Variants in TCF4 observed in about 807,000 individuals in gnomAD.
TCF4 encodes the protein transcription factor 4, also known as SL3-3 enhancer factor 2.
A neutral mutation model predicts 82.1 loss-of-function variants in TCF4; 3 were observed. The observed-to-expected ratio is 0.04, with a 90% CI of 0.02 to 0.09. The LOEUF (loss-of-function observed/expected upper bound fraction) is 0.09. Ranked by LOEUF, TCF4 falls within the 10% of genes least tolerant of loss-of-function variation. TCF4 has a pLI of 1.00. For synonymous variants in TCF4, 276 were observed against 309.6 expected, an observed-to-expected ratio of 0.89 and a Z score of 1.14; for missense variants, 518 against 852.7, an observed-to-expected ratio of 0.61 and a Z score of 4.89.
At chr18:55,580,146 C>T (rs73482993) in intron 3 of TCF4, among the ~76,000 whole-genome samples, 1 of 152,044 alleles carries the variant, frequency 6.6e-6, no homozygotes, top group African/African-American at 2.4e-5. Flanking sequence ...TTACTTAAGT[C>T]AGTGTCAAAT....
At chr18:55,590,670 T>C (rs575161094), upstream of TCF4, among the ~76,000 whole-genome samples, 104 of 152,324 alleles carry the variant, frequency 6.8e-4, no homozygotes, top group African/African-American at 2.5e-3. Context: ...CAATGGAATT[T>C]TAAATGGAAA....
chr18:55,403,772 A>G, intron 5 of TCF4: 1 of 1,528,294 alleles, frequency 6.5e-7, no homozygotes, highest in Non-Finnish European at 8.7e-7. Context: ...AATGGCCTCC[A>G]CTTTCTCTAA....
chr18:55,424,255 T>C (rs375291352), intron 5 of TCF4, among the ~76,000 whole-genome samples: 20 of 152,328 alleles, frequency 1.3e-4, no homozygotes, highest in African/African-American at 4.6e-4. Context: ...TTAGTTAACA[T>C]GAGACTCTAG....
At chr18:55,262,050 G>T (rs1018252560) in intron 11 of TCF4, among the ~76,000 whole-genome samples, 1 of 152,090 alleles carries the variant, frequency 6.6e-6, no homozygotes, top group South Asian at 2.1e-4. Flanking sequence ...AACAAGGAGA[G>T]AAAATATTTT....
At chr18:55,294,146 G>A (rs2065876983) in intron 8 of TCF4, among the ~76,000 whole-genome samples, 1 of 151,098 alleles carries the variant, frequency 6.6e-6, no homozygotes, top group South Asian at 2.1e-4. Flanking sequence ...TGTAATCCCA[G>A]CTACTTGGGG....
chr18:55,363,693 C>A (rs767947013), intron 6 of TCF4, among the ~76,000 whole-genome samples: 4 of 152,076 alleles, frequency 2.6e-5, no homozygotes, highest in Non-Finnish European at 5.9e-5. Flanking sequence ...GTAATCCCAG[C>A]TATTAGAGAG....
Position 55,289,095 on chromosome 18 carries a change from T to C in TCF4, c.550-9439A>G, listed in dbSNP as rs547745620. On this transcript the variant is annotated intron_variant, in intron 8 of 19. Transcript: ENST00000354452. The stretch of plus-strand genomic sequence containing the variant: ...GAATGCCCACTGCCAACATTATGAG[T>C]ACCTTGGCCCTAGCTGAGAGTGCCT... Among the ~76,000 whole-genome samples, 231 of 152,304 alleles carry C rather than the reference T, an allele frequency of 1.5e-3. 1 individual carries two copies. The highest frequency in any genetic ancestry group is 5.4e-3 in the African/African-American group (224 of 41,560).
At chr18:55,494,965 TAA>T (rs138885827) in intron 3 of TCF4, among the ~76,000 whole-genome samples, 57 of 142,464 alleles carry the variant, frequency 4.0e-4, no homozygotes, top group African/African-American at 5.9e-4. Flanking sequence ...AGCCTTTCTT[TAA>T]AAAAAAAAAA....
intron 5 of TCF4, among the ~76,000 whole-genome samples, chr18:55,453,294 C>A (rs2095663498): frequency 6.6e-6 from 1 of 152,196 alleles, no homozygotes; most frequent in Non-Finnish European, 1.5e-5. Flanking sequence ...AGCCACCAGC[C>A]CTGACATCAC....
intron 3 of TCF4, chr18:55,496,507 C>A (rs2145921447): frequency 6.6e-6 from 1 of 151,808 alleles, no homozygotes; most frequent in South Asian, 2.1e-4. Context: ...ATGAACAGTT[C>A]CTCTCAAGAT....
rs2096726644 is a variant in TCF4 at position 55,503,931 on chromosome 18, C to T, written c.146-39794G>A. On this transcript the variant is annotated intron_variant, in intron 3 of 19. Coordinates refer to ENST00000354452, the MANE Select transcript of TCF4 (RefSeq NM_001083962.2). ...CTCTACTAAAAATATAAAAATTAGC[C>T]AGGTGTGGTGGCACATGCCTGTAGT... 1.3e-5 allele frequency among the ~76,000 whole-genome samples: 2 copies of T among 152,014 alleles called. 1 individual carries two copies. The highest frequency in any genetic ancestry group is 4.1e-4 in the South Asian group (2 of 4,828).
intron 15 of TCF4, among the ~76,000 whole-genome samples, chr18:55,246,860 T>A (rs1410182163): frequency 6.6e-6 from 1 of 152,110 alleles, no homozygotes; most frequent in Non-Finnish European, 1.5e-5. Flanking sequence ...ATATCCTAAT[T>A]TAAAGAAAAA....
At chr18:55,483,943 A>G (rs890671455) in intron 3 of TCF4, among the ~76,000 whole-genome samples, 4 of 152,200 alleles carry the variant, frequency 2.6e-5, no homozygotes, top group African/African-American at 9.7e-5. Flanking sequence ...ACTGCTTTCA[A>G]TTTTTCAAAG....
chr18:55,606,550 A>G (rs1438501686), intron 2 of TCF4, among the ~76,000 whole-genome samples: 1 of 152,198 alleles, frequency 6.6e-6, no homozygotes, highest in Non-Finnish European at 1.5e-5. Flanking sequence ...TAACTCAGCA[A>G]TGTTTTCATC....
chr18:55,398,707 C>T (rs898407724), intron 6 of TCF4, among the ~76,000 whole-genome samples: 5 of 152,184 alleles, frequency 3.3e-5, no homozygotes, highest in Non-Finnish European at 5.9e-5. Context: ...ACCTTACTCC[C>T]TCAAAATGGC....
chr18:55,461,617 T>C (rs1372906722), intron 4 of TCF4, among the ~76,000 whole-genome samples: 1 of 152,158 alleles, frequency 6.6e-6, no homozygotes, highest in African/African-American at 2.4e-5. Flanking sequence ...ATTGTGGTAT[T>C]GTGGTTGTAA....
chr18:55,625,691 T>TGTATCAGATGATACA (rs1421129171), intron 2 of TCF4, among the ~76,000 whole-genome samples: 1 of 152,226 alleles, frequency 6.6e-6, no homozygotes, highest in Non-Finnish European at 1.5e-5. Flanking sequence ...TTTGTAAATA[T>TGTATCAGATGATACA]TTTTGTTGAT....
chr18:55,601,681 G>A (rs1268119574), intron 2 of TCF4, among the ~76,000 whole-genome samples: 2 of 152,166 alleles, frequency 1.3e-5, no homozygotes, highest in Admixed American at 6.5e-5. Context: ...CTACTTGGGA[G>A]GCTGAGGCAG....
In TCF4 at chr18:55,226,320, T is replaced by C. The variant is rs947807388; in HGVS notation, c.*1715A>G. The C allele has an allele frequency of 5.9e-5, 9 of 152,254 alleles. No homozygotes were observed. The highest frequency in any genetic ancestry group is 1.9e-4 in the African/African-American group (8 of 41,358). The allele number at this position is 152,254 out of a possible 1,614,324, so 9.4% of individuals were successfully genotyped here. On this transcript the variant is annotated 3_prime_UTR_variant, in exon 20 of 20. Transcript: ENST00000354452. Reference sequence around the variant, plus strand: ...GCCAAGAATTGTGTGGCTGTAAAAATAGAAACAAGTTAGAGACAAAAGGAT... The same window carrying C: ...GCCAAGAATTGTGTGGCTGTAAAAACAGAAACAAGTTAGAGACAAAAGGAT...
Sources: gnomAD v4.1 joint callset for allele counts (sites outside exome capture counted in the v4.1 genomes callset) on GRCh38, gnomAD v4.1.1 for gene constraint, MANE v1.5 for transcripts, NCBI Gene and HGNC (gene_info 2026-07-23, HGNC 2026-07-21) for gene names.